Variants in PTPRN2 observed in about 807,000 individuals in gnomAD.
PTPRN2 encodes the protein protein tyrosine phosphatase receptor type N2, also known as receptor-type tyrosine-protein phosphatase N2.
A neutral mutation model predicts 118.8 loss-of-function variants in PTPRN2; 74 were observed. That is an observed-to-expected ratio of 0.62 (90% CI 0.52 to 0.76). The LOEUF is 0.76. Among genes scored for constraint, PTPRN2 ranks in the 30% least tolerant of loss-of-function variants. The probability of loss-of-function intolerance (pLI) is 0.00; values close to 1 mark genes in which losing one functional copy is unlikely to be tolerated. For missense variants in PTPRN2, 1,481 were observed against 1,394.4 expected, an observed-to-expected ratio of 1.06 and a Z score of -0.99; for synonymous variants, 641 against 608.0, an observed-to-expected ratio of 1.05 and a Z score of -0.80.
In PTPRN2 at chr7:157,591,381, A is replaced by G. The variant is rs904455256; in HGVS notation, c.2496+3857T>C. Among the ~76,000 whole-genome samples, 2 of 152,176 alleles carry G rather than the reference A, an allele frequency of 1.3e-5. No homozygotes were observed. Among genetic ancestry groups the G allele is most frequent in the African/African-American group, 2.4e-5 (1 of 41,442 alleles). Reference sequence around the variant, plus strand: ...GGAAGGTGCTTTGGGATGATCCATAACCTTCAGTCTGTGTCCCGATCCTTG... The same window carrying G: ...GGAAGGTGCTTTGGGATGATCCATAGCCTTCAGTCTGTGTCCCGATCCTTG... On this transcript the variant is annotated intron_variant, in intron 17 of 22. Coordinates refer to ENST00000389418, the MANE Select transcript of PTPRN2 (RefSeq NM_002847.5). The surrounding 1 kb of genome is among the most constrained non-coding windows in gnomAD (Gnocchi z 4.4).
At chr7:158,298,311 G>T (rs1800639260) in intron 3 of PTPRN2, among the ~76,000 whole-genome samples, 1 of 151,906 alleles carries the variant, frequency 6.6e-6, no homozygotes, top group East Asian at 1.9e-4. Flanking sequence ...AACGTTTCAG[G>T]CACACAAAAA....
intron 9 of PTPRN2, among the ~76,000 whole-genome samples, chr7:158,127,973 T>C (rs1040357270): frequency 1.3e-5 from 2 of 152,068 alleles, no homozygotes; most frequent in Non-Finnish European, 2.9e-5. Flanking sequence ...CATCAGAAAA[T>C]GTGAGAGAGA....
intron 21 of PTPRN2, among the ~76,000 whole-genome samples, chr7:157,558,359 G>T (rs985294786): frequency 6.6e-6 from 1 of 152,180 alleles, no homozygotes; most frequent in Non-Finnish European, 1.5e-5. Context: ...GTGTGATGGG[G>T]CACACGCAGT....
intron 14 of PTPRN2, among the ~76,000 whole-genome samples, chr7:157,651,706 A>G (rs529934850): frequency 3.5e-4 from 54 of 152,360 alleles, no homozygotes; most frequent in Admixed American, 1.0e-3. Context: ...AGGATGTGAC[A>G]GGATTTCTTG....
At chr7:158,291,468 T>C (rs140108746) in intron 3 of PTPRN2, among the ~76,000 whole-genome samples, 10 of 152,340 alleles carry the variant, frequency 6.6e-5, no homozygotes, top group East Asian at 5.8e-4. Flanking sequence ...CCTCCCCCAA[T>C]TGTTATAAAT....
intron 16 of PTPRN2, among the ~76,000 whole-genome samples, chr7:157,599,013 C>CT (rs535002797): frequency 0.041 from 5,914 of 145,572 alleles, 352 homozygotes; most frequent in African/African-American, 0.14. Context: ...TCTGTTTTTA[C>CT]TTTTTTTTTT....
chr7:157,836,302 A>C (rs1391997340), intron 12 of PTPRN2, among the ~76,000 whole-genome samples: 1 of 152,232 alleles, frequency 6.6e-6, no homozygotes, highest in African/African-American at 2.4e-5. Flanking sequence ...CATTTGTTGG[A>C]GATATTAGTT....
intron 2 of PTPRN2, among the ~76,000 whole-genome samples, chr7:158,406,639 C>T (rs962874365): frequency 1.4e-4 from 21 of 152,368 alleles, no homozygotes; most frequent in African/African-American, 5.0e-4. Context: ...GCTGCAGCCA[C>T]TCGCTGGCAT....
chr7:158,552,139 G>A (rs1317405636), intron 1 of PTPRN2, among the ~76,000 whole-genome samples: 2 of 120,340 alleles, frequency 1.7e-5, no homozygotes, highest in African/African-American at 6.9e-5. Flanking sequence ...CTAACCCATT[G>A]CATCAGGGTG....
chr7:157,818,240 G>A (rs528352658), intron 12 of PTPRN2, among the ~76,000 whole-genome samples: 8 of 152,148 alleles, frequency 5.3e-5, no homozygotes, highest in East Asian at 1.9e-4. Flanking sequence ...GTGTGTGCCC[G>A]TGCATGTGTG....
chr7:158,047,936 C>T (rs1809005563), intron 11 of PTPRN2, among the ~76,000 whole-genome samples: 1 of 152,108 alleles, frequency 6.6e-6, no homozygotes. Flanking sequence ...GGTAGGAGTA[C>T]CGAGCACATG....
chr7:158,102,037 G>T (rs1815267370), intron 10 of PTPRN2, among the ~76,000 whole-genome samples: 1 of 152,142 alleles, frequency 6.6e-6, no homozygotes, highest in South Asian at 2.1e-4. Flanking sequence ...CTGTCCTGAG[G>T]ATGAAGTGGT....
Position 157,797,888 on chromosome 7 carries a change from G to A in PTPRN2, c.1788+100785C>T, listed in dbSNP as rs147635181. 5.2e-4 allele frequency among the ~76,000 whole-genome samples: 79 copies of A among 152,354 alleles called. 1 individual carries two copies. In the Middle Eastern group the frequency reaches 0.014, roughly 26 times the overall value. ...CCTCTGAACCTCCAGAGGCCCCGCA[G>A]CTCTCAAGCTGGAGGACTGGGGACT... On this transcript the variant is annotated intron_variant, in intron 12 of 22. Coordinates refer to ENST00000389418, the MANE Select transcript of PTPRN2 (RefSeq NM_002847.5).
At chr7:158,567,945 A>G (rs1469471747) in intron 1 of PTPRN2, among the ~76,000 whole-genome samples, 2 of 152,192 alleles carry the variant, frequency 1.3e-5, no homozygotes, top group Non-Finnish European at 2.9e-5. Context: ...TGAGACTCTT[A>G]TCTTTCCTTT....
At chr7:157,744,080 A>G (rs1800785746) in intron 12 of PTPRN2, among the ~76,000 whole-genome samples, 1 of 152,186 alleles carries the variant, frequency 6.6e-6, no homozygotes, top group South Asian at 2.1e-4. Flanking sequence ...GATCCCCTTC[A>G]TGCTTTCTGT....
At chr7:158,031,610 G>A (rs187363414) in intron 11 of PTPRN2, among the ~76,000 whole-genome samples, 237 of 152,014 alleles carry the variant, frequency 1.6e-3, no homozygotes, top group African/African-American at 5.4e-3. Flanking sequence ...TTAGACTTCA[G>A]GAAAAAAAGA....
At chr7:157,942,705 C>T (rs1172380720) in intron 11 of PTPRN2, among the ~76,000 whole-genome samples, 2 of 152,104 alleles carry the variant, frequency 1.3e-5, no homozygotes, top group Non-Finnish European at 2.9e-5. Flanking sequence ...CCCCAGATCA[C>T]ACCCCCACAA....
rs927394773 is a variant in PTPRN2 at position 157,692,852 on chromosome 7, G to C, written c.1789-9915C>G. 4.6e-5 allele frequency among the ~76,000 whole-genome samples: 7 copies of C among 152,180 alleles called. No individual in the cohort carries two copies. In the South Asian group the frequency reaches 1.4e-3, roughly 32 times the overall value. On this transcript the variant is annotated intron_variant, in intron 12 of 22. Coordinates refer to ENST00000389418, the MANE Select transcript of PTPRN2 (RefSeq NM_002847.5). ...CGCAAAAACCCCCGCACCCTGGCTC[G>C]GGGGCGGCGCGGCGGCGGGCAGGTC...
chr7:158,375,009 A>T (rs2151327443), intron 2 of PTPRN2, among the ~76,000 whole-genome samples: 1 of 152,328 alleles, frequency 6.6e-6, no homozygotes, highest in Non-Finnish European at 1.5e-5. Flanking sequence ...AACACAGAGC[A>T]TGGTGGCCTG....
Sources: allele counts gnomAD v4.1 joint callset (sites outside exome capture counted in the v4.1 genomes callset), GRCh38; gene constraint gnomAD v4.1.1; non-coding constraint Gnocchi (gnomAD v3.1); transcripts MANE v1.5; gene names NCBI Gene and HGNC (gene_info 2026-07-23, HGNC 2026-07-21).